Variants in HCN1 observed in about 807,000 individuals in gnomAD.
HCN1 encodes potassium/sodium hyperpolarization-activated cyclic nucleotide-gated channel 1.
HCN1 carries 13 observed loss-of-function variants against 78.9 expected under a neutral mutation model. The observed-to-expected ratio is 0.16, with a 90% CI of 0.11 to 0.26. The LOEUF is 0.26. HCN1 is among the 10% of genes least tolerant of loss of function. HCN1 has a pLI of 1.00. For missense variants in HCN1, 810 were observed against 1,154.3 expected (o/e 0.70, Z 4.32); for synonymous variants, 552 against 455.5 (o/e 1.21, Z -2.70).
intron 2 of HCN1, among the ~76,000 whole-genome samples, chr5:45,611,269 C>CTTTTTTTTTTTTTTTTTTTTT (rs1054830050): frequency 5.3e-5 from 6 of 113,730 alleles, no homozygotes; most frequent in Admixed American, 9.4e-5. Flanking sequence ...TTATCTTTTT[C>CTTTTTTTTTTTTTTTTTTTTT]TTTTTTTTTT....
intron 3 of HCN1, among the ~76,000 whole-genome samples, chr5:45,439,746 A>T (rs1306615964): frequency 6.6e-6 from 1 of 152,020 alleles, no homozygotes; most frequent in Non-Finnish European, 1.5e-5. Flanking sequence ...TTGTAGTAGC[A>T]GCATTTTAAA....
At chr5:45,352,955 A>T (rs554632138) in intron 5 of HCN1, 145 bp downstream of exon 5, 1 of 645,744 alleles carries the variant, frequency 1.5e-6, no homozygotes, top group African/African-American at 1.8e-5. Context: ...GAGCTTATGT[A>T]GGTGAGAAGC....
chr5:45,598,416 C>G (rs1744552245), intron 2 of HCN1, among the ~76,000 whole-genome samples: 1 of 152,072 alleles, frequency 6.6e-6, no homozygotes, highest in African/African-American at 2.4e-5. Flanking sequence ...AAAATTAATT[C>G]AAGATGGATT....
chr5:45,298,969 A>G (rs1157402369), intron 6 of HCN1, among the ~76,000 whole-genome samples: 1 of 152,068 alleles, frequency 6.6e-6, no homozygotes, highest in Non-Finnish European at 1.5e-5. Flanking sequence ...TTTTCTTCCC[A>G]AAACAATTAC....
chr5:45,633,728 T>G (rs912837717), intron 2 of HCN1, among the ~76,000 whole-genome samples: 2 of 151,996 alleles, frequency 1.3e-5, no homozygotes, highest in Non-Finnish European at 2.9e-5. Flanking sequence ...TATGAAATTT[T>G]CACATGAAAG....
At chr5:45,650,541 T>A (rs1042599263) in intron 1 of HCN1, among the ~76,000 whole-genome samples, 7 of 152,018 alleles carry the variant, frequency 4.6e-5, no homozygotes, top group African/African-American at 1.4e-4. Context: ...TCTTTATAAT[T>A]ACAGCAAAAT....
At chr5:45,633,021 A>G (rs1745296492) in intron 2 of HCN1, among the ~76,000 whole-genome samples, 1 of 151,974 alleles carries the variant, frequency 6.6e-6, no homozygotes, top group Non-Finnish European at 1.5e-5. Context: ...TAATTGTGAA[A>G]ATTTCCTGGT....
intron 2 of HCN1, among the ~76,000 whole-genome samples, chr5:45,635,569 A>G (rs1201839663): frequency 2.0e-5 from 3 of 152,132 alleles, no homozygotes; most frequent in African/African-American, 7.2e-5. Context: ...TTAAAATGTA[A>G]TAAGAAAAAG....
chr5:45,397,155 A>G (rs1221097671), intron 3 of HCN1, among the ~76,000 whole-genome samples: 2 of 152,178 alleles, frequency 1.3e-5, no homozygotes, highest in Admixed American at 1.3e-4. Context: ...GATTTTAAAA[A>G]TCCATATTGA....
intron 1 of HCN1, among the ~76,000 whole-genome samples, chr5:45,670,708 G>A (rs1243511815): frequency 6.6e-6 from 1 of 151,490 alleles, no homozygotes; most frequent in African/African-American, 2.4e-5. Flanking sequence ...TCTGTCTACT[G>A]GGAAAAAAGT....
At chr5:45,561,598 G>GA (rs67020505) in intron 2 of HCN1, among the ~76,000 whole-genome samples, 8,569 of 142,024 alleles carry the variant, frequency 0.06, 302 homozygotes, top group East Asian at 0.15. Flanking sequence ...TGAGAAAAAA[G>GA]AAAAAAAAAA....
chr5:45,265,338 G>T (rs1292952484), intron 7 of HCN1, among the ~76,000 whole-genome samples: 2 of 152,142 alleles, frequency 1.3e-5, no homozygotes, highest in Non-Finnish European at 2.9e-5. Context: ...TTAGAAATTA[G>T]TCTCTGTCTC....
Position 45,637,806 on chromosome 5 carries a change from G to T in HCN1, c.849+7379C>A, listed in dbSNP as rs192979168. ...AAGAATATGAGCAAAGAGTTTCTCA[G>T]GTTGAGGGAGTTTGGCCAGAAACAA... On this transcript the variant is annotated intron_variant, in intron 2 of 7. Transcript: ENST00000303230. 1.1e-4 allele frequency among the ~76,000 whole-genome samples: 17 copies of T among 152,220 alleles called. No homozygotes were observed. The East Asian group carries it at 3.1e-3, about 28-fold the overall frequency.
chr5:45,328,988 T>C (rs747919721), intron 5 of HCN1, among the ~76,000 whole-genome samples: 9 of 151,664 alleles, frequency 5.9e-5, no homozygotes, highest in African/African-American at 1.2e-4. Context: ...TTGTTTTAAA[T>C]GTATTGTATG....
At chr5:45,561,037 G>C (rs1442769008) in intron 2 of HCN1, among the ~76,000 whole-genome samples, 1 of 151,974 alleles carries the variant, frequency 6.6e-6, no homozygotes, top group East Asian at 1.9e-4. Flanking sequence ...TTTCTACTTA[G>C]AGTGCCTTTC....
chr5:45,475,738 T>C (rs1292766953), intron 2 of HCN1, among the ~76,000 whole-genome samples: 1 of 152,142 alleles, frequency 6.6e-6, no homozygotes, highest in Admixed American at 6.6e-5. Context: ...GGTATGTTTA[T>C]GTAGCATGAG....
rs571990166 is a variant in HCN1, at chr5:45,658,265, G to C, written c.426-12657C>G. On this transcript the variant is annotated intron_variant, in intron 1 of 7. Coordinates refer to ENST00000303230, the MANE Select transcript of HCN1 (RefSeq NM_021072.4). ...AGATGGATTAAAGACTTAAATGTTA[G>C]ACCTAAAACCATAAAAACCCTAGAA... Among the ~76,000 whole-genome samples the C allele has an allele frequency of 7.2e-5, 11 of 152,228 alleles. No homozygotes were observed. The South Asian group carries it at 1.5e-3, about 20-fold the overall frequency.
chr5:45,356,873 C>A (rs1261527248), intron 4 of HCN1, among the ~76,000 whole-genome samples: 1 of 151,894 alleles, frequency 6.6e-6, no homozygotes, highest in Non-Finnish European at 1.5e-5. Context: ...TTACTCTGGC[C>A]ATGTAAATAT....
chr5:45,375,832 AT>A lies in HCN1; in HGVS notation c.1230+20659del, dbSNP rs1747629294. 2.5e-5 allele frequency among the ~76,000 whole-genome samples: 3 copies of A among 120,384 alleles called. No individual in the cohort carries two copies. In the South Asian group the frequency reaches 7.3e-4, roughly 29 times the overall value. 79.0% of individuals were successfully genotyped at this position (120,384 alleles called of 152,430 possible). A position where few individuals can be genotyped will look rare whatever the true frequency, so the allele number is the denominator to read the frequency against. On this transcript the variant is annotated intron_variant, in intron 4 of 7. Coordinates refer to ENST00000303230, the MANE Select transcript of HCN1 (RefSeq NM_021072.4). The stretch of plus-strand genomic sequence containing the variant: ...TATATAATATAATATTTTATGATAT[AT>A]CTTATATATAATATAATATTTTATG...
Sources: gnomAD v4.1 joint callset for allele counts (sites outside exome capture counted in the v4.1 genomes callset) on GRCh38, gnomAD v4.1.1 for gene constraint, MANE v1.5 for transcripts, NCBI Gene and HGNC (gene_info 2026-07-23, HGNC 2026-07-21) for gene names.